Variants in GABRA3 observed in about 807,000 individuals in gnomAD.
The protein encoded by GABRA3 is gamma-aminobutyric acid type A receptor subunit alpha3, also known as gamma-aminobutyric acid receptor subunit alpha-3.
In GABRA3, 10 loss-of-function variants were observed where a neutral mutation model predicts 30.1. That is an observed-to-expected ratio of 0.33 (90% confidence interval 0.20 to 0.56). The LOEUF (loss-of-function observed/expected upper bound fraction) is 0.56. Among genes scored for constraint, GABRA3 ranks in the 20% least tolerant of loss-of-function variants. The pLI, the probability that GABRA3 is intolerant of heterozygous loss-of-function variation, is 0.89. For missense variants in GABRA3, 233 were observed against 392.0 expected (o/e 0.59, Z 3.42); for synonymous variants, 151 against 146.8 (o/e 1.03, Z -0.21).
chrX:152,319,864 TA>T (rs1026431520), intron 3 of GABRA3, among the ~76,000 whole-genome samples: 4 of 110,127 alleles, frequency 3.6e-5, no homozygotes, highest in African/African-American at 1.3e-4. Flanking sequence ...TATAATGAAT[TA>T]AAAAAATAGC....
At chrX:152,253,399 A>C (rs1207123783) in intron 5 of GABRA3, among the ~76,000 whole-genome samples, 8 of 111,456 alleles carry the variant, frequency 7.2e-5, no homozygotes, top group Non-Finnish European at 1.5e-4. Flanking sequence ...TCTTGTCCCA[A>C]ATTAACCTCA....
At chrX:152,396,206 C>A (rs777143566) in intron 1 of GABRA3, among the ~76,000 whole-genome samples, 1 of 111,565 alleles carries the variant, frequency 9.0e-6, no homozygotes, top group Admixed American at 9.5e-5. Flanking sequence ...TGGAGTGATG[C>A]TGCCACAAGC....
At chrX:152,189,447 G>A (rs1460622830) in intron 9 of GABRA3, among the ~76,000 whole-genome samples, 2 of 111,866 alleles carry the variant, frequency 1.8e-5, no homozygotes, top group South Asian at 7.5e-4. Flanking sequence ...GCCTTTGAGT[G>A]ACTTTGTAAG....
intron 1 of GABRA3, among the ~76,000 whole-genome samples, chrX:152,431,470 A>G (rs1396448556): frequency 8.9e-6 from 1 of 112,186 alleles, no homozygotes; most frequent in East Asian, 2.8e-4. Context: ...TTCCAGTGAA[A>G]ACTAAACTTT....
chrX:152,328,467 C>T (rs188831209), intron 3 of GABRA3, among the ~76,000 whole-genome samples: 2 of 111,671 alleles, frequency 1.8e-5, no homozygotes, highest in East Asian at 2.8e-4. Flanking sequence ...ACTGGCAAAC[C>T]GAATCCAGCA....
intron 5 of GABRA3, chrX:152,250,785 G>A (rs1358992799): frequency 1.7e-5 from 2 of 119,806 alleles, no homozygotes; most frequent in Non-Finnish European, 3.4e-5. Flanking sequence ...TGCAATGCTT[G>A]CTCAGATTTT....
At chrX:152,411,919 C>T (rs1288048234) in intron 1 of GABRA3, among the ~76,000 whole-genome samples, 2 of 110,994 alleles carry the variant, frequency 1.8e-5, no homozygotes, top group African/African-American at 6.5e-5. Flanking sequence ...CAAGTAATTT[C>T]CAGTATGTAA....
intron 5 of GABRA3, among the ~76,000 whole-genome samples, chrX:152,233,512 A>T (rs1377178893): frequency 9.1e-6 from 1 of 109,542 alleles, no homozygotes; most frequent in Non-Finnish European, 1.9e-5. Flanking sequence ...ATCTCACACC[A>T]GTTAGAATGG....
chrX:152,316,843 A>G (rs1939885679), intron 3 of GABRA3, among the ~76,000 whole-genome samples: 1 of 112,201 alleles, frequency 8.9e-6, no homozygotes, highest in African/African-American at 3.2e-5. Flanking sequence ...CAGCACTACA[A>G]GAAAAGCTAA....
At chrX:152,211,438 A>C (rs1156463106) in intron 6 of GABRA3, among the ~76,000 whole-genome samples, 1 of 111,334 alleles carries the variant, frequency 9.0e-6, no homozygotes, top group Non-Finnish European at 1.9e-5. Flanking sequence ...CTTTGGCAAT[A>C]ATATATGGGA....
intron 1 of GABRA3, among the ~76,000 whole-genome samples, chrX:152,427,309 A>G (rs186139514): frequency 7.0e-4 from 78 of 110,928 alleles, no homozygotes; most frequent in Non-Finnish European, 1.2e-3. Flanking sequence ...CTGTATCTCT[A>G]TTTTCACATC....
chrX:152,231,232 C>T (rs1603218105), intron 5 of GABRA3, among the ~76,000 whole-genome samples: 1 of 106,323 alleles, frequency 9.4e-6, no homozygotes, highest in African/African-American at 3.4e-5. Flanking sequence ...CGTATATATA[C>T]ACACATATGT....
intron 1 of GABRA3, among the ~76,000 whole-genome samples, chrX:152,390,684 C>A (rs1929454330): frequency 9.0e-6 from 1 of 111,438 alleles, no homozygotes; most frequent in Non-Finnish European, 1.9e-5. Context: ...ATAACACACA[C>A]CAAGATAATC....
chrX:152,181,960 A>C (rs755050036), intron 9 of GABRA3, among the ~76,000 whole-genome samples: 1 of 110,905 alleles, frequency 9.0e-6, no homozygotes, highest in African/African-American at 3.3e-5. Flanking sequence ...GTGAGAGTGG[A>C]CATACCTGTC....
At chrX:152,387,709 T>C (rs1184420824) in intron 1 of GABRA3, among the ~76,000 whole-genome samples, 1 of 111,966 alleles carries the variant, frequency 8.9e-6, no homozygotes, top group East Asian at 2.8e-4. Context: ...TTAAGATTGA[T>C]TGAAGAAATG....
At position 152,279,378 on chromosome X, in the gene GABRA3, C is replaced by T. The variant is rs771372334; in HGVS notation, c.330+5290G>A. Among the ~76,000 whole-genome samples, 46 of 111,731 alleles carry T rather than the reference C, an allele frequency of 4.1e-4. 1 individual carries two copies. In the South Asian group the frequency reaches 0.017, roughly 42 times the overall value. ...TTTATTAAATAGGGAATCCTTTCCC[C>T]ATTTCTTGTTTTTGTCAGGTTTGTC... On this transcript the variant is annotated intron_variant, in intron 4 of 9. Coordinates refer to ENST00000370314, the MANE Select transcript of GABRA3 (RefSeq NM_000808.4).
At chrX:152,290,874 T>C (rs940796648) in intron 3 of GABRA3, among the ~76,000 whole-genome samples, 2 of 111,939 alleles carry the variant, frequency 1.8e-5, no homozygotes, top group Non-Finnish European at 3.8e-5. Flanking sequence ...TTGGTCTATA[T>C]ATCTGTTTTG....
chrX:152,447,065 C>T lies in GABRA3; in HGVS notation c.-27+4081G>A, dbSNP rs530362866. 4.5e-5 allele frequency among the ~76,000 whole-genome samples: 5 copies of T among 111,244 alleles called. No homozygotes were observed. In the South Asian group the frequency reaches 1.9e-3, roughly 43 times the overall value. On this transcript the variant is annotated intron_variant, in intron 1 of 9. Transcript: ENST00000370314. ...GATCTCCTTAAAGCCCTTTGCTTCT[C>T]TCTTATGGGTGTAGATCTCATCTCC... is the stretch of plus-strand genomic sequence containing the variant.
chrX:152,232,944 T>A (rs953495523), intron 5 of GABRA3, among the ~76,000 whole-genome samples: 2 of 111,164 alleles, frequency 1.8e-5, no homozygotes, highest in Non-Finnish European at 3.8e-5. Flanking sequence ...TGTGTAAGCA[T>A]TCTCTTTTAC....
Sources: gnomAD v4.1 joint callset for allele counts (sites outside exome capture counted in the v4.1 genomes callset) on GRCh38, gnomAD v4.1.1 for gene constraint, MANE v1.5 for transcripts, NCBI Gene and HGNC (gene_info 2026-07-23, HGNC 2026-07-21) for gene names.